PRKN: variants seen among roughly 807,000 people sequenced by gnomAD.
PRKN encodes the protein parkin RBR E3 ubiquitin protein ligase.
PRKN carries 56 observed loss-of-function variants against 59.5 expected under a neutral mutation model. The observed-to-expected ratio is 0.94, with a 90% CI of 0.76 to 1.18. The LOEUF is 1.18. PRKN is among the 50% of genes most tolerant of loss of function. PRKN has a pLI of 0.00. For missense variants in PRKN, 657 were observed against 596.4 expected (o/e 1.10, Z -1.06); for synonymous variants, 250 against 222.1 (o/e 1.13, Z -1.12).
In PRKN at chr6:161,508,698, C is replaced by T. The variant is rs149748491; in HGVS notation, c.1083+40156G>A. On this transcript the variant is annotated intron_variant, in intron 9 of 11. Coordinates refer to ENST00000366898, the MANE Select transcript of PRKN (RefSeq NM_004562.3). The stretch of plus-strand genomic sequence containing the variant: ...CAGATCAGTTTTGCAACCCTTTAAT[C>T]ATTTTAATAATTTTTGTCACTCTCA... 7.8e-3 allele frequency among the ~76,000 whole-genome samples: 1,191 copies of T among 152,286 alleles called. 25 individuals are homozygous for T. Among genetic ancestry groups the T allele is most frequent in the African/African-American group, 0.028 (1,151 of 41,552 alleles).
At chr6:162,697,958 T>C (rs766410525) in intron 1 of PRKN, among the ~76,000 whole-genome samples, 1 of 152,130 alleles carries the variant, frequency 6.6e-6, no homozygotes, top group Non-Finnish European at 1.5e-5. Flanking sequence ...GTATGGAGAA[T>C]ACAGAAATGA....
intron 7 of PRKN, among the ~76,000 whole-genome samples, chr6:161,740,550 C>T (rs1239835975): frequency 1.3e-5 from 2 of 152,224 alleles, no homozygotes; most frequent in African/African-American, 4.8e-5. Flanking sequence ...CTCGGTCCCA[C>T]GTCCTCCAGT....
rs111800155 is a variant in PRKN at position 161,691,040 on chromosome 6, TTCCA to T, written c.871+94728_871+94731del. The stretch of plus-strand genomic sequence containing the variant: ...GTCCATCCATCCGTCCTCCTTTCCT[TTCCA>T]TCCATCCATCCATCCATCCATCCAT... On this transcript the variant is annotated intron_variant, in intron 7 of 11. Coordinates refer to ENST00000366898, the MANE Select transcript of PRKN (RefSeq NM_004562.3). 5.0e-4 allele frequency among the ~76,000 whole-genome samples: 72 copies of T among 145,410 alleles called. 1 individual carries two copies. Among genetic ancestry groups the T allele is most frequent in the Middle Eastern group, 6.8e-3 (2 of 294 alleles).
chr6:162,129,507 T>C (rs1205842007), intron 4 of PRKN, among the ~76,000 whole-genome samples: 1 of 152,134 alleles, frequency 6.6e-6, no homozygotes, highest in Non-Finnish European at 1.5e-5. Context: ...GAGCTATATA[T>C]TCCTTAGTCA....
chr6:162,661,576 A>G (rs1447393426), intron 1 of PRKN, among the ~76,000 whole-genome samples: 1 of 152,194 alleles, frequency 6.6e-6, no homozygotes, highest in Non-Finnish European at 1.5e-5. Flanking sequence ...TTTCTTTACT[A>G]GAAGTAACCA....
At chr6:162,695,580 A>C (rs1777938318) in intron 1 of PRKN, among the ~76,000 whole-genome samples, 1 of 152,190 alleles carries the variant, frequency 6.6e-6, no homozygotes, top group Non-Finnish European at 1.5e-5. Context: ...CATTTTTAAA[A>C]AACTCTTTAT....
intron 1 of PRKN, among the ~76,000 whole-genome samples, chr6:162,620,374 G>A (rs920621206): frequency 4.0e-5 from 6 of 151,822 alleles, no homozygotes; most frequent in African/African-American, 1.5e-4. Flanking sequence ...CTAACATCAA[G>A]AGAATAATTT....
chr6:162,066,536 C>T lies in PRKN; in HGVS notation c.535-12362G>A, dbSNP rs118050291. Among the ~76,000 whole-genome samples, 21 of 152,278 alleles carry T rather than the reference C, an allele frequency of 1.4e-4. No individual in the cohort carries two copies. The East Asian group carries it at 3.3e-3, about 24-fold the overall frequency. ...GTTTAAGTCACAAGGGCTCCACCTGCATGAATGGATCAATACCCCTAAGAA... is the reference window on the plus strand; with the variant it reads ...GTTTAAGTCACAAGGGCTCCACCTGTATGAATGGATCAATACCCCTAAGAA... On this transcript the variant is annotated intron_variant, in intron 4 of 11. Transcript: ENST00000366898.
intron 7 of PRKN, among the ~76,000 whole-genome samples, chr6:161,720,805 C>A (rs1266833888): frequency 6.7e-6 from 1 of 150,042 alleles, no homozygotes; most frequent in Non-Finnish European, 1.5e-5. Context: ...CTGTATATTT[C>A]TTCATTCATC....
At chr6:162,212,719 T>G (rs943024712) in intron 3 of PRKN, among the ~76,000 whole-genome samples, 7 of 152,098 alleles carry the variant, frequency 4.6e-5, no homozygotes, top group Non-Finnish European at 8.8e-5. Context: ...AACATCAGAG[T>G]GTACTTACAC....
rs1031172821 is a variant in PRKN at position 161,566,365 on chromosome 6, C to T, written c.933+2990G>A. ...TCCTAAAGATGCCTTCTTCCTTTGG[C>T]TCCCAGGTCATGATACCTGCCTGGA... On this transcript the variant is annotated intron_variant, in intron 8 of 11. Transcript: ENST00000366898. This position sits in a 1 kb window ranked among gnomAD's most constrained non-coding sequence, Gnocchi z 4.1. Among the ~76,000 whole-genome samples the T allele has an allele frequency of 5.9e-5, 9 of 152,118 alleles. No homozygotes were observed. Among genetic ancestry groups the T allele is most frequent in the Non-Finnish European group, 1.2e-4 (8 of 68,020 alleles).
chr6:161,570,496 C>T (rs1011198604), intron 7 of PRKN, among the ~76,000 whole-genome samples: 1 of 151,564 alleles, frequency 6.6e-6, no homozygotes, highest in East Asian at 1.9e-4. Flanking sequence ...AGGACCAACC[C>T]TTCCCCCTCC....
chr6:162,392,836 A>G (rs1787270768), intron 2 of PRKN, among the ~76,000 whole-genome samples: 1 of 152,234 alleles, frequency 6.6e-6, no homozygotes. Flanking sequence ...ACCTGTAAGG[A>G]CACTTGTATT....
At chr6:161,635,280 T>A (rs148333418) in intron 7 of PRKN, among the ~76,000 whole-genome samples, 4 of 152,242 alleles carry the variant, frequency 2.6e-5, no homozygotes, top group Admixed American at 2.6e-4. Context: ...CAAAGAGAAA[T>A]CATTTTGGAA....
At chr6:162,681,057 T>A (rs1779750647) in intron 1 of PRKN, among the ~76,000 whole-genome samples, 1 of 141,816 alleles carries the variant, frequency 7.1e-6, no homozygotes, top group African/African-American at 2.5e-5. Flanking sequence ...GTTTGGCCTC[T>A]CACTTTCACA....
rs1196861942 is a variant in PRKN at position 161,405,004 on chromosome 6, C to T, written c.1084-18127G>A. 1.3e-5 allele frequency among the ~76,000 whole-genome samples: 2 copies of T among 152,268 alleles called. No homozygotes were observed. Among genetic ancestry groups the T allele is most frequent in the East Asian group, 3.9e-4 (2 of 5,184 alleles). On this transcript the variant is annotated intron_variant, in intron 9 of 11. Transcript: ENST00000366898. This position sits in a 1 kb window ranked among gnomAD's most constrained non-coding sequence, Gnocchi z 5.1. ...TCTCTTACTGGGATGGTCTGATATA[C>T]GTTTAATGTTTTATATTTTCATTGA...
At chr6:161,649,650 G>A (rs1784081087) in intron 7 of PRKN, among the ~76,000 whole-genome samples, 1 of 152,136 alleles carries the variant, frequency 6.6e-6, no homozygotes, top group South Asian at 2.1e-4. Flanking sequence ...TATATTTCAA[G>A]GCTTTTAATC....
chr6:161,655,672 A>G (rs1306111577), intron 7 of PRKN, among the ~76,000 whole-genome samples: 1 of 152,216 alleles, frequency 6.6e-6, no homozygotes, highest in Non-Finnish European at 1.5e-5. Flanking sequence ...TGTCAAAAAG[A>G]GTCTAGGTTT....
rs1562521447 is a variant in PRKN at position 161,552,254 on chromosome 6, T to C, written c.934-3251A>G. On this transcript the variant is annotated intron_variant, in intron 8 of 11. Coordinates refer to ENST00000366898, the MANE Select transcript of PRKN (RefSeq NM_004562.3). The surrounding 1 kb of genome is among the most constrained non-coding windows in gnomAD (Gnocchi z 4.9). ...TAAAAGGAAGCGGGACATCTCTCGATCACCTCTGCCTATGACTGTGAATGA... is the reference window on the plus strand; with the variant it reads ...TAAAAGGAAGCGGGACATCTCTCGACCACCTCTGCCTATGACTGTGAATGA... Among the ~76,000 whole-genome samples the C allele has an allele frequency of 6.6e-6, 1 of 151,834 alleles. No homozygotes were observed.
Sources: allele counts gnomAD v4.1 joint callset (sites outside exome capture counted in the v4.1 genomes callset), GRCh38; gene constraint gnomAD v4.1.1; non-coding constraint Gnocchi (gnomAD v3.1); transcripts MANE v1.5; gene names NCBI Gene and HGNC (gene_info 2026-07-23, HGNC 2026-07-21).